The following NDST3 variants were observed in gnomAD, a reference collection of about 807,000 sequenced individuals.
The protein encoded by NDST3 is bifunctional heparan sulfate N-deacetylase/N-sulfotransferase 3.
NDST3 carries 58 observed loss-of-function variants against 96.1 expected under a neutral mutation model. The ratio of observed to expected loss-of-function variants is 0.60; its 90% CI spans 0.49 to 0.75. The LOEUF (loss-of-function observed/expected upper bound fraction) is 0.75, where lower values mean the gene tolerates loss of function less well. Among genes scored for constraint, NDST3 ranks in the 30% least tolerant of loss-of-function variants. The probability of loss-of-function intolerance (pLI) is 0.00; values close to 1 mark genes in which losing one functional copy is unlikely to be tolerated. For missense variants in NDST3, 788 were observed against 1,034.2 expected (o/e 0.76, Z 3.27); for synonymous variants, 333 against 359.7 (o/e 0.93, Z 0.84).
At chr4:118,150,618 CA>C (rs1345869845) in intron 6 of NDST3, among the ~76,000 whole-genome samples, 1 of 150,636 alleles carries the variant, frequency 6.6e-6, no homozygotes, top group Non-Finnish European at 1.5e-5. Flanking sequence ...TTTATGCAGC[CA>C]AAAAACACAT....
chr4:118,039,219 A>T (rs1337118159), intron 1 of NDST3, among the ~76,000 whole-genome samples: 1 of 152,214 alleles, frequency 6.6e-6, no homozygotes, highest in Non-Finnish European at 1.5e-5. Flanking sequence ...AGTGAAAAGC[A>T]CATTCTGGAT....
intron 2 of NDST3, among the ~76,000 whole-genome samples, chr4:118,072,567 T>C (rs1727171300): frequency 6.6e-6 from 1 of 152,132 alleles, no homozygotes; most frequent in Admixed American, 6.6e-5. Context: ...CTTATTTTTG[T>C]ACATTGACTT....
rs79206639 is a variant in NDST3 at position 118,258,263 on chromosome 4, A to G, written c.*2551A>G. The G allele has an allele frequency of 5.9e-5, 9 of 152,306 alleles. No individual in the cohort carries two copies. The East Asian group carries it at 1.7e-3, about 29-fold the overall frequency. 9.4% of individuals were successfully genotyped at this position (152,306 alleles called of 1,614,324 possible). ...CAAACCTGTGAAAGGATTTTTGACCACTCAATGTGTCTTGAAGACAGCATC... is the reference window on the plus strand; with the variant it reads ...CAAACCTGTGAAAGGATTTTTGACCGCTCAATGTGTCTTGAAGACAGCATC... On this transcript the variant is annotated 3_prime_UTR_variant, in exon 14 of 14. Transcript: ENST00000296499.
chr4:118,051,934 T>A (rs991217441), intron 1 of NDST3, among the ~76,000 whole-genome samples: 2 of 152,118 alleles, frequency 1.3e-5, no homozygotes, highest in Non-Finnish European at 2.9e-5. Flanking sequence ...ACACTGTTGG[T>A]GGGAATGTAA....
At chr4:118,232,665 G>A (rs1740380485) in intron 8 of NDST3, among the ~76,000 whole-genome samples, 1 of 148,324 alleles carries the variant, frequency 6.7e-6, no homozygotes, top group South Asian at 2.2e-4. Flanking sequence ...GAGAAAGAAG[G>A]AAAGAAAGAA....
In NDST3 at chr4:118,149,514, G is replaced by A. The variant is rs891373894; in HGVS notation, c.1539+5830G>A. Reference sequence around the variant, plus strand: ...TCCGAGGTATTTTATTCTCTTTGAAGCAATTGTGAATGGGAGTTCACTCAT... The same window carrying A: ...TCCGAGGTATTTTATTCTCTTTGAAACAATTGTGAATGGGAGTTCACTCAT... On this transcript the variant is annotated intron_variant, in intron 6 of 13. Coordinates refer to ENST00000296499, the MANE Select transcript of NDST3 (RefSeq NM_004784.3). 4.5e-4 allele frequency among the ~76,000 whole-genome samples: 63 copies of A among 139,196 alleles called. 1 individual carries two copies. Among genetic ancestry groups the A allele is most frequent in the African/African-American group, 1.4e-3 (59 of 40,726 alleles). The allele number at this position is 139,196 out of a possible 152,430, so 91.3% of individuals were successfully genotyped here. A position where few individuals can be genotyped will look rare whatever the true frequency, so the allele number is the denominator to read the frequency against.
intron 6 of NDST3, among the ~76,000 whole-genome samples, chr4:118,213,185 A>T (rs1738920662): frequency 6.6e-6 from 1 of 152,294 alleles, no homozygotes; most frequent in South Asian, 2.1e-4. Flanking sequence ...TGACATGAAG[A>T]GGACAATTTT....
At chr4:118,127,432 C>A (rs1191258914) in intron 4 of NDST3, among the ~76,000 whole-genome samples, 1 of 151,962 alleles carries the variant, frequency 6.6e-6, no homozygotes, top group East Asian at 1.9e-4. Flanking sequence ...TTTCAAGCAC[C>A]ATTTGTTGAA....
intron 6 of NDST3, among the ~76,000 whole-genome samples, chr4:118,207,140 G>T (rs1738484594): frequency 9.5e-6 from 1 of 105,076 alleles, no homozygotes; most frequent in Non-Finnish European, 1.9e-5. Flanking sequence ...GAAAATTCTG[G>T]AAGAATACAC....
intron 1 of NDST3, among the ~76,000 whole-genome samples, chr4:118,035,494 T>C (rs546065660): frequency 6.6e-6 from 1 of 151,550 alleles, no homozygotes; most frequent in Non-Finnish European, 1.5e-5. Flanking sequence ...AGCAATGCTG[T>C]TCACCACCAG....
chr4:118,227,592 CTTT>C (rs1004187221), intron 8 of NDST3, among the ~76,000 whole-genome samples: 8 of 146,370 alleles, frequency 5.5e-5, no homozygotes, highest in East Asian at 2.0e-4. Flanking sequence ...CCATAAACTT[CTTT>C]ATCACCATAA....
chr4:118,090,782 A>G (rs1728799415), intron 2 of NDST3, among the ~76,000 whole-genome samples: 1 of 151,940 alleles, frequency 6.6e-6, no homozygotes, highest in African/African-American at 2.4e-5. Flanking sequence ...AGCTGGTCTC[A>G]GTATTAAAAG....
At chr4:118,222,785 G>C (rs1739637022) in intron 6 of NDST3, among the ~76,000 whole-genome samples, 1 of 151,986 alleles carries the variant, frequency 6.6e-6, no homozygotes, top group African/African-American at 2.4e-5. Context: ...ATCAGAAAGA[G>C]TAGCATTTTT....
intron 1 of NDST3, among the ~76,000 whole-genome samples, chr4:118,050,632 A>T (rs1437747140): frequency 6.6e-6 from 1 of 152,120 alleles, no homozygotes; most frequent in Non-Finnish European, 1.5e-5. Flanking sequence ...CAATAGCCAC[A>T]AATAAAATGA....
At position 118,207,837 on chromosome 4, in the gene NDST3, A is replaced by C. The variant is rs1182184394; in HGVS notation, c.1540-16654A>C. Among the ~76,000 whole-genome samples the C allele has an allele frequency of 1.4e-5, 2 of 144,876 alleles. 1 individual carries two copies. Among genetic ancestry groups the C allele is most frequent in the Non-Finnish European group, 3.1e-5 (2 of 65,296 alleles). The stretch of plus-strand genomic sequence containing the variant: ...ATAATATTCAAGCAAAGATTTTTAG[A>C]AAATTTTCTTTAAGTCAGTATGAAA... On this transcript the variant is annotated intron_variant, in intron 6 of 13. Coordinates refer to ENST00000296499, the MANE Select transcript of NDST3 (RefSeq NM_004784.3).
rs918722264 is a variant in NDST3, at chr4:118,163,754, T to TAATAA, written c.1539+20086_1539+20090dup. Reference sequence around the variant, plus strand: ...TACCCTAAAACTTAAAGTATAATAATAATAAAATAAAATAAAATAAGAAAA... The same window carrying TAATAA: ...TACCCTAAAACTTAAAGTATAATAATAATAAAATAAAATAAAATAAAATAAGAAAA... On this transcript the variant is annotated intron_variant, in intron 6 of 13. Transcript: ENST00000296499. Among the ~76,000 whole-genome samples the TAATAA allele has an allele frequency of 2.3e-3, 345 of 151,760 alleles. 1 individual carries two copies. Among genetic ancestry groups the TAATAA allele is most frequent in the African/African-American group, 2.2e-3 (90 of 41,396 alleles).
At chr4:118,081,621 T>C (rs897247688) in intron 2 of NDST3, among the ~76,000 whole-genome samples, 2 of 152,158 alleles carry the variant, frequency 1.3e-5, no homozygotes, top group Non-Finnish European at 2.9e-5. Flanking sequence ...AAGGCTGTTA[T>C]GGGCTCATTA....
chr4:118,064,945 C>T (rs183709583), intron 2 of NDST3, among the ~76,000 whole-genome samples: 70 of 152,230 alleles, frequency 4.6e-4, no homozygotes, highest in African/African-American at 1.6e-3. Context: ...GCCAGAAATA[C>T]TCTCTGTGCC....
intron 6 of NDST3, among the ~76,000 whole-genome samples, chr4:118,209,326 GGAA>G (rs1211849143): frequency 5.3e-5 from 8 of 152,096 alleles, no homozygotes; most frequent in Admixed American, 1.3e-4. Flanking sequence ...TAACACTAAA[GGAA>G]GAAGAACAGC....
Sources: gnomAD v4.1 joint callset for allele counts (sites outside exome capture counted in the v4.1 genomes callset) on GRCh38, gnomAD v4.1.1 for gene constraint, MANE v1.5 for transcripts, NCBI Gene and HGNC (gene_info 2026-07-23, HGNC 2026-07-21) for gene names.